Variants in TTBK1 observed in about 807,000 individuals in gnomAD.
TTBK1 encodes tau-tubulin kinase 1.
In TTBK1, 34 loss-of-function variants were observed where a neutral mutation model predicts 108.5. That is an observed-to-expected ratio of 0.31 (90% confidence interval 0.24 to 0.42). The LOEUF is 0.42. TTBK1 is among the 10% of genes least tolerant of loss of function. TTBK1 has a pLI of 1.00. For missense variants in TTBK1, 1,539 were observed against 1,826.0 expected (o/e 0.84, Z 2.86); for synonymous variants, 809 against 795.1 (o/e 1.02, Z -0.29).
Position 43,269,977 on chromosome 6 carries a change from G to A in TTBK1, c.1986+6627G>A. On this transcript the variant is annotated intron_variant, in intron 13 of 14. Coordinates refer to ENST00000259750, the MANE Select transcript of TTBK1 (RefSeq NM_032538.3). This position sits in a 1 kb window ranked among gnomAD's most constrained non-coding sequence, Gnocchi z 4.8. ...GCTGGGCCCCCCCCCTCCTGGAGGG[G>A]GCAGGTGGGGGGGGGTGGGGAGCAG... The A allele has an allele frequency of 7.0e-7, 1 of 1,431,966 alleles. No individual in the cohort carries two copies. Among genetic ancestry groups the A allele is most frequent in the Non-Finnish European group, 9.1e-7 (1 of 1,097,640 alleles). The allele number at this position is 1,431,966 out of a possible 1,614,324, so 88.7% of individuals were successfully genotyped here.
chr6:43,255,510 A>C, intron 7 of TTBK1, 42 bp from the exon 8 acceptor site: 3 of 1,526,756 alleles, frequency 2.0e-6, no homozygotes, highest in Non-Finnish European at 2.7e-6. Flanking sequence ...TTCCCAGGGA[A>C]GGACCTGAGA....
chr6:43,285,100 G>T lies in TTBK1; in HGVS notation c.3690G>T (p.Pro1230=). 6.8e-7 allele frequency: 1 copy of T among 1,477,858 alleles called. No individual in the cohort carries two copies. 91.5% of individuals were successfully genotyped at this position (1,477,858 alleles called of 1,614,324 possible). ...RAQAGARPPA[P]RSPRLPASTS... ...AAGCCGGAGCCAGGCCCCCAGCGCC[G>T]CGCAGCCCGCGCCTCCCCGCGTCCA... The change falls in exon 15 of 15, where the codon CCG becomes CCT. Residue 1230 remains proline, a synonymous_variant. Coordinates refer to ENST00000259750, the MANE Select transcript of TTBK1 (RefSeq NM_032538.3). The surrounding 1 kb of genome is among the most constrained non-coding windows in gnomAD (Gnocchi z 4.7).
chr6:43,247,391 A>G (rs1482879946), intron 2 of TTBK1, among the ~76,000 whole-genome samples: 1 of 151,976 alleles, frequency 6.6e-6, no homozygotes, highest in Non-Finnish European at 1.5e-5. Context: ...CCTGCCTCGG[A>G]GCGGGGGCGT....
At chr6:43,271,721 T>C (rs1334320686) in intron 13 of TTBK1, 8 of 985,176 alleles carry the variant, frequency 8.1e-6, no homozygotes, top group Non-Finnish European at 6.0e-6. Context: ...AGCCACTCCA[T>C]AGTCACACAC....
At chr6:43,254,946 A>T in intron 6 of TTBK1, 103 bp from the exon 7 acceptor site, 41 of 1,122,304 alleles carry the variant, frequency 3.7e-5, no homozygotes, top group Non-Finnish European at 5.6e-5. Context: ...CTCCCCAGCC[A>T]GGGGAGGTGG....
At chr6:43,280,619 G>A (rs1343336975) in intron 13 of TTBK1, among the ~76,000 whole-genome samples, 1 of 152,176 alleles carries the variant, frequency 6.6e-6, no homozygotes, top group African/African-American at 2.4e-5. Context: ...ACTTCTTGAG[G>A]GAGTAAATGA....
chr6:43,258,000 C>A lies in TTBK1; in HGVS notation c.1016+34C>A. On this transcript the variant is annotated intron_variant, in intron 10 of 14. Transcript: ENST00000259750. This position sits in a 1 kb window ranked among gnomAD's most constrained non-coding sequence, Gnocchi z 4.5. ...CAGGAAGGCGAGCCACCAGCCCCTG[C>A]CTGGAGCTGTTACCTAAGAGGGCAG... The A allele has an allele frequency of 1.9e-6, 3 of 1,599,894 alleles. No homozygotes were observed. The highest frequency in any genetic ancestry group is 2.6e-6 in the Non-Finnish European group (3 of 1,173,766).
Position 43,285,089 on chromosome 6 carries a change from C to T in TTBK1, c.3679C>T (p.Pro1227Ser), listed in dbSNP as rs1043805863. The change falls in exon 15 of 15, where the codon CCC (proline) becomes TCC (serine). Residue 1227 changes from proline to serine, a missense_variant. Physicochemically the swap from Pro to Ser is moderately conservative, Grantham distance 74. Coordinates refer to ENST00000259750, the MANE Select transcript of TTBK1 (RefSeq NM_032538.3). The surrounding 1 kb of genome is among the most constrained non-coding windows in gnomAD (Gnocchi z 4.7). Reference protein sequence around the residue: ...GPGRAQAGARPPAPRSPRLPA... With the variant: ...GPGRAQAGARSPAPRSPRLPA... ...AGGGCGAGCCCAAGCCGGAGCCAGG[C>T]CCCCAGCGCCGCGCAGCCCGCGCCT... 2.0e-5 allele frequency: 29 copies of T among 1,483,436 alleles called. No individual in the cohort carries two copies. Among genetic ancestry groups the T allele is most frequent in the Non-Finnish European group, 2.4e-5 (27 of 1,125,148 alleles). 91.9% of individuals were successfully genotyped at this position (1,483,436 alleles called of 1,614,324 possible). A position where few individuals can be genotyped will look rare whatever the true frequency, so the allele number is the denominator to read the frequency against.
At chr6:43,251,457 T>C (rs1299204861) in intron 2 of TTBK1, among the ~76,000 whole-genome samples, 1 of 152,250 alleles carries the variant, frequency 6.6e-6, no homozygotes, top group East Asian at 1.9e-4. Flanking sequence ...TCAGTGGACC[T>C]CCTCTGAGAT....
chr6:43,283,271 T>C lies in TTBK1; in HGVS notation c.2531T>C (p.Met844Thr), dbSNP rs1778237549. Residue 844 changes from methionine to threonine, a missense_variant, in exon 14 of 15, where the codon ATG becomes ACG. This residue lies in a region of TTBK1 where 1,055 missense variants were observed against 1,086.5 expected (regional missense o/e 0.97). Coordinates refer to ENST00000259750, the MANE Select transcript of TTBK1 (RefSeq NM_032538.3). This position sits in a 1 kb window ranked among gnomAD's most constrained non-coding sequence, Gnocchi z 8.1. ...CTGGTGCTTGTCTCTCCTGGCGACA[T>C]GAAGAAGTCGCCCGTCACTGCCGAA... Reference protein sequence around the residue: ...KTLVLVSPGDMKKSPVTAELA... With the variant: ...KTLVLVSPGDTKKSPVTAELA... The C allele has an allele frequency of 3.2e-6, 5 of 1,559,142 alleles. No individual in the cohort carries two copies. Among genetic ancestry groups the C allele is most frequent in the East Asian group, 4.8e-5 (2 of 41,476 alleles).
intron 13 of TTBK1, among the ~76,000 whole-genome samples, chr6:43,268,024 A>G (rs1777729554): frequency 6.6e-6 from 1 of 152,104 alleles, no homozygotes; most frequent in Admixed American, 6.5e-5. Flanking sequence ...GAGCACTCTT[A>G]TCTGCTAGAA....
Position 43,283,563 on chromosome 6 carries a change from C to T in TTBK1, c.2823C>T (p.Val941=), listed in dbSNP as rs763227087. Residue 941 remains valine (V), a synonymous_variant, in exon 14 of 15, where the codon GTC becomes GTT. Coordinates refer to ENST00000259750, the MANE Select transcript of TTBK1 (RefSeq NM_032538.3). This position sits in a 1 kb window ranked among gnomAD's most constrained non-coding sequence, Gnocchi z 8.1. ...TTGCGGAGAAAACCCACCTCAACGT[C>T]ATGTCTTCCGGTGGACAAGCCTTGC... is the stretch of plus-strand genomic sequence containing the variant. ...VHIAEKTHLN[V]MSSGGQALRS... is the part of the protein sequence containing the mutation. 3.1e-6 allele frequency: 5 copies of T among 1,614,070 alleles called. No individual in the cohort carries two copies. The East Asian group carries it at 8.9e-5, about 29-fold the overall frequency.
chr6:43,246,281 G>T (rs139054598), intron 1 of TTBK1, among the ~76,000 whole-genome samples: 2 of 152,322 alleles, frequency 1.3e-5, no homozygotes, highest in East Asian at 1.9e-4. Context: ...AAGGGAAAGG[G>T]TCCCAGTCTG....
intron 13 of TTBK1, among the ~76,000 whole-genome samples, chr6:43,279,230 C>CTG (rs762021362): frequency 1.9e-4 from 29 of 152,092 alleles, no homozygotes; most frequent in Admixed American, 4.6e-4. Context: ...AATGTGAGCA[C>CTG]TGTGTGTGTG....
chr6:43,260,031 C>T (rs1002687886), intron 12 of TTBK1, among the ~76,000 whole-genome samples: 3 of 152,126 alleles, frequency 2.0e-5, no homozygotes, highest in Admixed American at 2.0e-4. Flanking sequence ...AGAATCTCTT[C>T]TCCTAGAGAC....
rs1582512976 is a variant in TTBK1, at chr6:43,276,223, C to T, written c.1987-6504C>T. ...TGTATTATACGCTTGCACTATTTCC[C>T]GACCCTGGCCAGCGGAAGCATGCAC... On this transcript the variant is annotated intron_variant, in intron 13 of 14. Coordinates refer to ENST00000259750, the MANE Select transcript of TTBK1 (RefSeq NM_032538.3). The surrounding 1 kb of genome is among the most constrained non-coding windows in gnomAD (Gnocchi z 5.4). Among the ~76,000 whole-genome samples the T allele has an allele frequency of 6.6e-6, 1 of 152,288 alleles. No individual in the cohort carries two copies. Among genetic ancestry groups the T allele is most frequent in the Non-Finnish European group, 1.5e-5 (1 of 68,040 alleles).
Position 43,273,520 on chromosome 6 carries a change from C to A in TTBK1, c.1987-9207C>A, listed in dbSNP as rs1777887213. Among the ~76,000 whole-genome samples the A allele has an allele frequency of 1.3e-5, 2 of 152,166 alleles. No individual in the cohort carries two copies. The highest frequency in any genetic ancestry group is 4.2e-4 in the South Asian group (2 of 4,818). On this transcript the variant is annotated intron_variant, in intron 13 of 14. Transcript: ENST00000259750. The surrounding 1 kb of genome is among the most constrained non-coding windows in gnomAD (Gnocchi z 4.2). ...GAGTTAGCATGAGAAAGCAGGGGCT[C>A]CAAAGCCTGACCTCAGTGGGATTGG...
intron 13 of TTBK1, among the ~76,000 whole-genome samples, chr6:43,275,008 G>A (rs1257797879): frequency 1.3e-5 from 2 of 152,124 alleles, no homozygotes; most frequent in South Asian, 2.1e-4. Flanking sequence ...ACAGGCTGTG[G>A]GGGTGCGGGC....
chr6:43,261,703 T>C (rs922722600), intron 12 of TTBK1, among the ~76,000 whole-genome samples: 1 of 149,926 alleles, frequency 6.7e-6, no homozygotes, highest in African/African-American at 2.5e-5. Flanking sequence ...TAAGCGCAGC[T>C]ACTCAGGAGG....
Sources: allele counts gnomAD v4.1 joint callset (sites outside exome capture counted in the v4.1 genomes callset), GRCh38; gene constraint gnomAD v4.1.1; regional missense constraint gnomAD v4.1.1; non-coding constraint Gnocchi (gnomAD v3.1); transcripts MANE v1.5; gene names NCBI Gene and HGNC (gene_info 2026-07-23, HGNC 2026-07-21).